The following SYNPR variants were observed in gnomAD, a reference collection of about 807,000 sequenced individuals.
SYNPR encodes synaptoporin.
In SYNPR, 23 loss-of-function variants were observed where a neutral mutation model predicts 32.9. The ratio of observed to expected loss-of-function variants is 0.70; its 90% CI spans 0.50 to 0.99. The LOEUF is 0.99. SYNPR is among the 50% of genes least tolerant of loss of function. SYNPR has a pLI of 0.00. For missense variants in SYNPR, 318 were observed against 349.3 expected (o/e 0.91, Z 0.71); for synonymous variants, 146 against 135.9 (o/e 1.07, Z -0.52).
chr3:63,355,967 T>C (rs2087572858), intron 2 of SYNPR, among the ~76,000 whole-genome samples: 1 of 152,218 alleles, frequency 6.6e-6, no homozygotes, highest in Admixed American at 6.5e-5. Context: ...GCAGATATGA[T>C]GTGGTTTCTC....
chr3:63,279,028 T>C (rs561415998), intron 2 of SYNPR, among the ~76,000 whole-genome samples: 70 of 151,790 alleles, frequency 4.6e-4, no homozygotes, highest in African/African-American at 1.6e-3. Context: ...GAAAGAAACC[T>C]CCCCCTTGGG....
chr3:63,350,246 A>AC (rs2087489651), intron 2 of SYNPR, among the ~76,000 whole-genome samples: 2 of 149,134 alleles, frequency 1.3e-5, no homozygotes, highest in African/African-American at 4.9e-5. Flanking sequence ...ACACACATAC[A>AC]AACACAATTA....
At chr3:63,450,423 C>T (rs147091483) in intron 2 of SYNPR, among the ~76,000 whole-genome samples, 4 of 152,152 alleles carry the variant, frequency 2.6e-5, no homozygotes, top group African/African-American at 7.2e-5. Context: ...ATTGCCCAAG[C>T]TCTATGGTGA....
chr3:63,319,927 G>A (rs1329842446), intron 2 of SYNPR, among the ~76,000 whole-genome samples: 1 of 151,958 alleles, frequency 6.6e-6, no homozygotes, highest in Non-Finnish European at 1.5e-5. Context: ...AGGCTATAGT[G>A]AACATATTTA....
intron 2 of SYNPR, among the ~76,000 whole-genome samples, chr3:63,430,096 T>A (rs922009588): frequency 4.6e-5 from 7 of 152,072 alleles, no homozygotes; most frequent in Non-Finnish European, 7.4e-5. Context: ...AAGAGCTAGG[T>A]TGTTGGGAAT....
At chr3:63,595,847 T>TTA (rs1374418621) in intron 4 of SYNPR, among the ~76,000 whole-genome samples, 13 of 76,668 alleles carry the variant, frequency 1.7e-4, no homozygotes, top group African/African-American at 5.7e-4. Flanking sequence ...ATATATAGTT[T>TTA]TATATATATA....
At chr3:63,201,224 G>C in the SYNPR span, among the ~76,000 whole-genome samples, 1 of 152,112 alleles carries the variant, frequency 6.6e-6, no homozygotes, top group African/African-American at 2.4e-5. Context: ...TGTCTTGAGG[G>C]AAGGGGCCAT....
intron 2 of SYNPR, among the ~76,000 whole-genome samples, chr3:63,419,340 C>T (rs1181920252): frequency 6.6e-6 from 1 of 152,078 alleles, no homozygotes; most frequent in Non-Finnish European, 1.5e-5. Flanking sequence ...CTCTAATATC[C>T]CTTACAGCTC....
intron 2 of SYNPR, among the ~76,000 whole-genome samples, chr3:63,385,577 ACTCTTC>A (rs1367262212): frequency 2.0e-5 from 3 of 152,074 alleles, no homozygotes; most frequent in African/African-American, 7.2e-5. Context: ...TTCTTTTGCA[ACTCTTC>A]CCTTTGGACT....
At chr3:63,280,214 C>T (rs1269689153) in intron 2 of SYNPR, among the ~76,000 whole-genome samples, 1 of 152,178 alleles carries the variant, frequency 6.6e-6, no homozygotes, top group Non-Finnish European at 1.5e-5. Context: ...AATACTGTGG[C>T]AACATGATTT....
chr3:63,568,400 A>G (rs1702829826), intron 4 of SYNPR, among the ~76,000 whole-genome samples: 1 of 152,190 alleles, frequency 6.6e-6, no homozygotes, highest in Non-Finnish European at 1.5e-5. Context: ...CTTATTGAGC[A>G]TCTGCTGTGC....
rs151021688 is a variant in SYNPR, at chr3:63,348,735, C to T, written c.84+69993C>T. On this transcript the variant is annotated intron_variant, in intron 2 of 5. Transcript: ENST00000478300. ...TGAGAGATAGATATCCAATTTTATT[C>T]TTCTGCATGTGGTAATCCAATTTTT... is the stretch of plus-strand genomic sequence containing the variant. 6.3e-3 allele frequency among the ~76,000 whole-genome samples: 961 copies of T among 152,266 alleles called. 3 individuals carry two copies. Among genetic ancestry groups the T allele is most frequent in the Middle Eastern group, 0.027 (8 of 294 alleles).
At chr3:63,375,346 A>T (rs756633046) in intron 2 of SYNPR, among the ~76,000 whole-genome samples, 10 of 152,222 alleles carry the variant, frequency 6.6e-5, no homozygotes, top group Non-Finnish European at 1.5e-4. Flanking sequence ...GATAGACTGG[A>T]TTAAGAAAAC....
chr3:63,425,809 G>A (rs1433144763), intron 2 of SYNPR, among the ~76,000 whole-genome samples: 2 of 142,334 alleles, frequency 1.4e-5, no homozygotes, highest in Non-Finnish European at 3.0e-5. Context: ...GTAAGATGAA[G>A]TCTTACTCTG....
intron 2 of SYNPR, among the ~76,000 whole-genome samples, chr3:63,476,454 A>G (rs1381886480): frequency 6.6e-6 from 1 of 152,116 alleles, no homozygotes; most frequent in Admixed American, 6.5e-5. Flanking sequence ...CAAATCACCT[A>G]CTCTGCTTTG....
At chr3:63,491,919 C>T (rs1413497816) in intron 3 of SYNPR, among the ~76,000 whole-genome samples, 1 of 152,052 alleles carries the variant, frequency 6.6e-6, no homozygotes, top group Non-Finnish European at 1.5e-5. Context: ...CTCTCTTGCC[C>T]TTTTTTGTTT....
intron 2 of SYNPR, among the ~76,000 whole-genome samples, chr3:63,305,588 G>A (rs914575220): frequency 1.3e-5 from 2 of 151,948 alleles, no homozygotes; most frequent in African/African-American, 4.8e-5. Flanking sequence ...ACAACCTGGA[G>A]AAATTGTTTA....
chr3:63,519,424 C>T (rs1404902952), intron 3 of SYNPR, among the ~76,000 whole-genome samples: 5 of 152,146 alleles, frequency 3.3e-5, no homozygotes. Context: ...ATTAAGTGCT[C>T]AGTAAATGTG....
intron 4 of SYNPR, among the ~76,000 whole-genome samples, chr3:63,602,877 A>G (rs1700065858): frequency 6.6e-6 from 1 of 152,098 alleles, no homozygotes; most frequent in Non-Finnish European, 1.5e-5. Context: ...TTAATCTTGT[A>G]AAGAATGTCA....
Sources: gnomAD v4.1 joint callset for allele counts (sites outside exome capture counted in the v4.1 genomes callset) on GRCh38, gnomAD v4.1.1 for gene constraint, MANE v1.5 for transcripts, NCBI Gene and HGNC (gene_info 2026-07-23, HGNC 2026-07-21) for gene names.